Variants in C22orf31 observed in about 807,000 individuals in gnomAD.
C22orf31 encodes chromosome 22 open reading frame 31, also known as uncharacterized protein C22orf31.
C22orf31 carries 11 observed loss-of-function variants against 15.0 expected under a neutral mutation model. That is an observed-to-expected ratio of 0.73 (90% CI 0.46 to 1.21). The LOEUF (loss-of-function observed/expected upper bound fraction) is 1.21, where lower values mean the gene tolerates loss of function less well. Ranked by LOEUF, C22orf31 falls within the 50% of genes most tolerant of loss-of-function variation. C22orf31 has a pLI of 0.00. For missense variants in C22orf31, 340 were observed against 347.2 expected, an observed-to-expected ratio of 0.98 and a Z score of 0.17; for synonymous variants, 132 against 133.3, an observed-to-expected ratio of 0.99 and a Z score of 0.07.
chr22:29,059,674 G>A, intron 2 of C22orf31: 2 of 983,656 alleles, frequency 2.0e-6, no homozygotes, highest in Non-Finnish European at 1.2e-6. Context: ...CCACCACGGG[G>A]TAACATACCT....
upstream of C22orf31, chr22:29,061,895 T>G: frequency 1.0e-6 from 1 of 983,962 alleles, no homozygotes; most frequent in South Asian, 1.6e-5. Context: ...TGTTTTTGTT[T>G]TAATATTTCT....
rs35968360 is a variant in C22orf31 at position 29,060,683 on chromosome 22, G to A, written c.164C>T (p.Ala55Val). Residue 55 changes from alanine (A) to valine (V), a missense_variant, in exon 2 of 3, where the codon GCA becomes GTA. By Grantham distance (64) the Ala-to-Val change is moderately conservative. Transcript: ENST00000216071. ...TTCCCAAGAGGAAGTGGTAGCTGGT[G>A]CTGGGGCATTAATGTTCTGCTTTGC... ...TCAKQNINAP[A>V]PATTSSWEVV... The A allele has an allele frequency of 9.1e-3, 14,681 of 1,614,166 alleles. 96 individuals are homozygous for A. The highest frequency in any genetic ancestry group is 0.01 in the Non-Finnish European group (12,344 of 1,180,020).
chr22:29,064,025 G>T (rs993143800), upstream of C22orf31, among the ~76,000 whole-genome samples: 3 of 152,038 alleles, frequency 2.0e-5, no homozygotes, highest in Admixed American at 1.3e-4. Context: ...GCACTATCAT[G>T]CCGGGCTAAT....
At chr22:29,059,281 C>A in intron 2 of C22orf31, 99 bp from the exon 3 acceptor site, 2 of 878,070 alleles carry the variant, frequency 2.3e-6, no homozygotes, top group Non-Finnish European at 3.5e-6. Flanking sequence ...GTTACAGCAA[C>A]AACCAACATT....
chr22:29,063,890 G>A (rs933550534), upstream of C22orf31, among the ~76,000 whole-genome samples: 9 of 152,000 alleles, frequency 5.9e-5, no homozygotes, highest in African/African-American at 9.7e-5. Flanking sequence ...TTTTTGAGAC[G>A]GAGTTTCACT....
chr22:29,066,591 C>T (rs183940308), upstream of C22orf31, among the ~76,000 whole-genome samples: 868 of 106,712 alleles, frequency 8.1e-3, 16 homozygotes, highest in South Asian at 0.073. Context: ...GATGCAGTCT[C>T]GCTCTGCTGC....
At chr22:29,059,271 G>A in intron 2 of C22orf31, 89 bp from the exon 3 acceptor site, 2 of 1,001,920 alleles carry the variant, frequency 2.0e-6, no homozygotes, top group Non-Finnish European at 2.9e-6. Flanking sequence ...CAGAGTCTTG[G>A]TTACAGCAAC....
chr22:29,070,797 G>A, the C22orf31 span, among the ~76,000 whole-genome samples: 2 of 152,246 alleles, frequency 1.3e-5, no homozygotes, highest in South Asian at 4.2e-4. Flanking sequence ...AGAACATGTG[G>A]TCAACATAAT....
the C22orf31 span, among the ~76,000 whole-genome samples, chr22:29,069,388 A>G: frequency 6.6e-6 from 1 of 152,158 alleles, no homozygotes; most frequent in Non-Finnish European, 1.5e-5. Flanking sequence ...AGACAGTTGA[A>G]TGACCCAAAC....
At chr22:29,064,709 T>C (rs911770640), upstream of C22orf31, among the ~76,000 whole-genome samples, 2 of 62,440 alleles carry the variant, frequency 3.2e-5, 1 homozygote, top group Non-Finnish European at 6.2e-5. Context: ...TTTTTTTTTT[T>C]TTTTTTTTTT....
intron 1 of C22orf31, among the ~76,000 whole-genome samples, 157 bp downstream of exon 1, chr22:29,061,632 TG>T (rs2037393141): frequency 6.6e-6 from 1 of 152,144 alleles, no homozygotes; most frequent in Admixed American, 6.6e-5. Flanking sequence ...CAATATACTC[TG>T]GGGACCATAA....
chr22:29,064,899 G>T (rs1042940301), upstream of C22orf31, among the ~76,000 whole-genome samples: 1 of 151,640 alleles, frequency 6.6e-6, no homozygotes, highest in Admixed American at 6.6e-5. Flanking sequence ...TGTCACCCAG[G>T]CTGAAGTGCA....
chr22:29,060,021 C>CA, intron 2 of C22orf31: 2 of 540,080 alleles, frequency 3.7e-6, no homozygotes, highest in African/African-American at 2.7e-5. Context: ...TTTTTCTTTT[C>CA]TTTTTTTTTT....
the C22orf31 span, chr22:29,073,182 C>T: frequency 8.4e-7 from 1 of 1,184,318 alleles, no homozygotes; most frequent in Non-Finnish European, 1.0e-6. The surrounding 1 kb of genome is among the most constrained non-coding windows in gnomAD (Gnocchi z 4.4). Flanking sequence ...GGCGCTCACG[C>T]TGGCGGCCCG....
Position 29,060,549 on chromosome 22 carries a change from T to G in C22orf31, c.298A>C (p.Lys100Gln). Residue 100 changes from lysine (K) to glutamine (Q), a missense_variant, in exon 2 of 3, where the codon AAA becomes CAA. Coordinates refer to ENST00000216071, the MANE Select transcript of C22orf31 (RefSeq NM_015370.2). ...CPPPCKFGEG[K>Q]LSKRLKHKDD... ...TTGTGCTTTAATCTCTTCGAGAGTT[T>G]TCCTTCTCCAAACTTGCATGGTGGT... is the stretch of plus-strand genomic sequence containing the variant. The G allele has an allele frequency of 1.2e-6, 2 of 1,614,184 alleles. No individual in the cohort carries two copies. The highest frequency in any genetic ancestry group is 2.2e-5 in the South Asian group (2 of 91,080).
chr22:29,071,812 G>A, the C22orf31 span, among the ~76,000 whole-genome samples: 1 of 152,238 alleles, frequency 6.6e-6, no homozygotes, highest in Non-Finnish European at 1.5e-5. Context: ...GGGGCCGAAA[G>A]TTTAAGCAAG....
chr22:29,073,556 C>T, the C22orf31 span, among the ~76,000 whole-genome samples: 1 of 152,152 alleles, frequency 6.6e-6, no homozygotes, highest in African/African-American at 2.4e-5. The surrounding 1 kb of genome is among the most constrained non-coding windows in gnomAD (Gnocchi z 4.4). Flanking sequence ...GACATCTTCT[C>T]TGTCTCGGGA....
the C22orf31 span, chr22:29,073,163 C>G: frequency 8.6e-7 from 1 of 1,160,348 alleles, no homozygotes; most frequent in South Asian, 3.6e-5. The surrounding 1 kb of genome is among the most constrained non-coding windows in gnomAD (Gnocchi z 4.4). Context: ...TCGCCCTGCT[C>G]TCCGCCGCGG....
upstream of C22orf31, among the ~76,000 whole-genome samples, chr22:29,062,806 T>C (rs1435609516): frequency 1.3e-5 from 2 of 151,932 alleles, no homozygotes; most frequent in Non-Finnish European, 2.9e-5. Context: ...GAGAGGACAA[T>C]TGCTCCCTTT....
Sources: allele counts gnomAD v4.1 joint callset (sites outside exome capture counted in the v4.1 genomes callset), GRCh38; gene constraint gnomAD v4.1.1; non-coding constraint Gnocchi (gnomAD v3.1); transcripts MANE v1.5; gene names NCBI Gene and HGNC (gene_info 2026-07-23, HGNC 2026-07-21).